PDPR: variants seen among roughly 807,000 people sequenced by gnomAD.
PDPR encodes pyruvate dehydrogenase phosphatase regulatory subunit, also known as pyruvate dehydrogenase phosphatase regulatory subunit, mitochondrial.
PDPR carries 50 observed loss-of-function variants against 102.2 expected under a neutral mutation model. The observed-to-expected ratio is 0.49, with a 90% confidence interval of 0.39 to 0.62. The LOEUF (loss-of-function observed/expected upper bound fraction) is 0.62. PDPR is among the 20% of genes least tolerant of loss of function. The pLI, the probability that PDPR is intolerant of heterozygous loss-of-function variation, is 0.00. For synonymous variants in PDPR, 259 were observed against 406.0 expected (o/e 0.64, Z 4.35); for missense variants, 625 against 1,098.2 (o/e 0.57, Z 6.09).
intron 3 of PDPR, among the ~76,000 whole-genome samples, chr16:70,121,904 A>C (rs1489333527): frequency 1.3e-5 from 2 of 152,180 alleles, no homozygotes; most frequent in Non-Finnish European, 2.9e-5. Flanking sequence ...AGCTGGGACT[A>C]CTGACATGCA....
chr16:70,126,976 C>G (rs112218483), intron 3 of PDPR, among the ~76,000 whole-genome samples: 3,492 of 151,350 alleles, frequency 0.023, no homozygotes, highest in African/African-American at 0.082. Context: ...TCCCAAGTAG[C>G]TGGGACTGCA....
intron 9 of PDPR, among the ~76,000 whole-genome samples, chr16:70,132,877 A>G (rs1210056715): frequency 2.0e-5 from 3 of 152,230 alleles, no homozygotes; most frequent in Non-Finnish European, 2.9e-5. Flanking sequence ...CAGTGGCATG[A>G]TCATAGCTCA....
intron 4 of PDPR, among the ~76,000 whole-genome samples, chr16:70,128,452 T>C (rs1421892445): frequency 8.5e-5 from 13 of 152,244 alleles, no homozygotes; most frequent in African/African-American, 3.1e-4. Flanking sequence ...GGTCTCAAAC[T>C]ACTGACCTCA....
intron 17 of PDPR, among the ~76,000 whole-genome samples, chr16:70,151,181 G>A (rs986651809): frequency 1.3e-5 from 2 of 152,244 alleles, no homozygotes; most frequent in African/African-American, 4.8e-5. Flanking sequence ...TGAGCCGCCT[G>A]CCTCAGCCTC....
In PDPR at chr16:70,159,173, C is replaced by A. The variant is rs1330376116; in HGVS notation, c.*2294C>A. The A allele has an allele frequency of 6.6e-6, 1 of 152,358 alleles. No individual in the cohort carries two copies. The highest frequency in any genetic ancestry group is 1.5e-5 in the Non-Finnish European group (1 of 68,068). 9.4% of individuals were successfully genotyped at this position (152,358 alleles called of 1,614,324 possible). A position where few individuals can be genotyped will look rare whatever the true frequency, so the allele number is the denominator to read the frequency against. On this transcript the variant is annotated 3_prime_UTR_variant, in exon 19 of 19. Coordinates refer to ENST00000288050, the MANE Select transcript of PDPR (RefSeq NM_017990.5). ...CTCTTCTGCCCTTGTTAATCTCCAA[C>A]TAATTACTACAGATTGACACGTTTT... is the stretch of plus-strand genomic sequence containing the variant.
intron 18 of PDPR, among the ~76,000 whole-genome samples, chr16:70,153,985 C>G (rs1251000668): frequency 6.6e-6 from 1 of 152,064 alleles, no homozygotes; most frequent in East Asian, 1.9e-4. Context: ...CGAGATCATC[C>G]TAGCTAACAC....
intron 18 of PDPR, 145 bp downstream of exon 18, chr16:70,153,718 G>A (rs1966858163): frequency 1.1e-6 from 1 of 901,400 alleles, no homozygotes; most frequent in Non-Finnish European, 1.6e-6. Context: ...GGACAAGAGT[G>A]CCCTGAGAAT....
At chr16:70,123,035 G>A (rs1220114930) in intron 3 of PDPR, among the ~76,000 whole-genome samples, 1 of 152,096 alleles carries the variant, frequency 6.6e-6, no homozygotes, top group African/African-American at 2.4e-5. Flanking sequence ...CAAGTAGCTG[G>A]GATTAATAGT....
At chr16:70,120,269 C>T in intron 2 of PDPR, 192 bp from the exon 3 acceptor site, 1 of 484,448 alleles carries the variant, frequency 2.1e-6, no homozygotes, top group South Asian at 2.1e-5. Context: ...CCAGGATGGT[C>T]TCGATCTCCT....
chr16:70,157,525 A>G lies in PDPR; in HGVS notation c.*646A>G, dbSNP rs1967356444. The G allele has an allele frequency of 4.3e-6, 1 of 231,238 alleles. No individual in the cohort carries two copies. The highest frequency in any genetic ancestry group is 1.1e-4 in the East Asian group (1 of 8,744). The allele number at this position is 231,238 out of a possible 1,614,324, so 14.3% of individuals were successfully genotyped here. A position where few individuals can be genotyped will look rare whatever the true frequency, so the allele number is the denominator to read the frequency against. On this transcript the variant is annotated 3_prime_UTR_variant, in exon 19 of 19. Coordinates refer to ENST00000288050, the MANE Select transcript of PDPR (RefSeq NM_017990.5). ...AGCACCATCCTCATCCTCCCTGCAG[A>G]AGCCATTAGCAGACCTTTGGGCCAG...
Position 70,137,931 on chromosome 16 carries a change from C to G in PDPR, c.1191-968C>G, listed in dbSNP as rs143936408. 3.7e-4 allele frequency among the ~76,000 whole-genome samples: 57 copies of G among 152,242 alleles called. No homozygotes were observed. The Middle Eastern group carries it at 0.01, about 27-fold the overall frequency. On this transcript the variant is annotated intron_variant, in intron 10 of 18. Transcript: ENST00000288050. ...TCACCCAGGCTGGAGTGCAGTGGCA[C>G]CATCATAGCTCACTGCAGCCGCAAG...
chr16:70,143,425 A>G, intron 13 of PDPR, 85 bp from the exon 14 acceptor site: 1 of 1,513,102 alleles, frequency 6.6e-7, no homozygotes, highest in Non-Finnish European at 9.0e-7. Flanking sequence ...GAATTTTCTC[A>G]ATGAGGTTCA....
chr16:70,134,353 G>A (rs1304818825), intron 9 of PDPR, among the ~76,000 whole-genome samples: 8 of 152,044 alleles, frequency 5.3e-5, no homozygotes, highest in Non-Finnish European at 5.9e-5. Flanking sequence ...AGCCTCCCAG[G>A]TAGCTGGAAT....
chr16:70,152,511 C>G (rs1372623539), intron 17 of PDPR, among the ~76,000 whole-genome samples: 1 of 152,276 alleles, frequency 6.6e-6, no homozygotes, highest in Non-Finnish European at 1.5e-5. Context: ...GAGCAAAACT[C>G]TGTCTCAAAA....
At chr16:70,140,878 A>G (rs1965640078) in intron 11 of PDPR, among the ~76,000 whole-genome samples, 2 of 152,212 alleles carry the variant, frequency 1.3e-5, no homozygotes, top group African/African-American at 4.8e-5. Context: ...CGAAAGTACT[A>G]GGAGATGGAG....
At position 70,153,573 on chromosome 16, in the gene PDPR, G is replaced by C. The variant is rs1203130163; in HGVS notation, c.2235G>C (p.Lys745Asn). Residue 745 changes from lysine (K) to asparagine (N), a missense_variant and splice_region_variant, in exon 18 of 19, where the codon AAG becomes AAC. Lys to Asn is a moderately conservative substitution (Grantham distance 94). Coordinates refer to ENST00000288050, the MANE Select transcript of PDPR (RefSeq NM_017990.5). Reference protein sequence around the residue: ...CGRESRVKLEKGMDFIGRDAL... With the variant: ...CGRESRVKLENGMDFIGRDAL... ...GAGAGTCTCGGGTGAAATTAGAGAA[G>C]GTACTGTGTTTACCCAGACTCCACT... 2 of 1,598,806 alleles carry C rather than the reference G, an allele frequency of 1.3e-6. No individual in the cohort carries two copies. Among genetic ancestry groups the C allele is most frequent in the Non-Finnish European group, 1.7e-6 (2 of 1,173,290 alleles).
At chr16:70,139,478 G>A (rs1325565357) in intron 11 of PDPR, among the ~76,000 whole-genome samples, 1 of 152,266 alleles carries the variant, frequency 6.6e-6, no homozygotes, top group African/African-American at 2.4e-5. Flanking sequence ...AATTTGCCGA[G>A]TTATTCTCAG....
intron 9 of PDPR, among the ~76,000 whole-genome samples, chr16:70,134,435 G>A: frequency 6.6e-6 from 1 of 151,668 alleles, no homozygotes; most frequent in Non-Finnish European, 1.5e-5. Flanking sequence ...TATTTGGCCA[G>A]GCTGGTCTTG....
At position 70,142,267 on chromosome 16, in the gene PDPR, A is replaced by C; in HGVS notation, c.1349A>C (p.Asp450Ala). ...TATGATCTGAAGGTTCCCCGCTGGG[A>C]CTTCCAGACCGGTAGGCAGTTACGC... The part of the protein sequence containing the change: ...LMYDLKVPRW[D>A]FQTGRQLRTS... Residue 450 changes from aspartate to alanine, a missense_variant, in exon 12 of 19, where the codon GAC becomes GCC. Around this residue, in one of 11 missense-constraint regions of PDPR, gnomAD observed 34 missense variants for 76.6 expected, o/e 0.44. Coordinates refer to ENST00000288050, the MANE Select transcript of PDPR (RefSeq NM_017990.5). The C allele has an allele frequency of 6.2e-7, 1 of 1,614,040 alleles. No homozygotes were observed. The highest frequency in any genetic ancestry group is 8.5e-7 in the Non-Finnish European group (1 of 1,179,892).
Sources: gnomAD v4.1 joint callset for allele counts (sites outside exome capture counted in the v4.1 genomes callset) on GRCh38, gnomAD v4.1.1 for gene constraint, gnomAD v4.1.1 regional missense constraint, MANE v1.5 for transcripts, NCBI Gene and HGNC (gene_info 2026-07-23, HGNC 2026-07-21) for gene names.